REDIC1: variants seen among roughly 807,000 people sequenced by gnomAD.
REDIC1 encodes the protein regulator of DNA class I crossover intermediates 1.
the REDIC1 span, among the ~76,000 whole-genome samples, chr12:39,801,620 A>G: frequency 0.6 from 91,596 of 152,104 alleles, 28,093 homozygotes; most frequent in Non-Finnish European, 0.66. Context: ...GTCATAGGAA[A>G]AAGAGGGTAG....
At chr12:39,907,954 T>C in the REDIC1 span, 1 of 151,264 alleles carries the variant, frequency 6.6e-6, no homozygotes, top group East Asian at 1.9e-4. Context: ...CCTCCAAAAG[T>C]TTCAGTCTAT....
chr12:39,764,284 C>T, the REDIC1 span, among the ~76,000 whole-genome samples: 1 of 151,962 alleles, frequency 6.6e-6, no homozygotes, highest in African/African-American at 2.4e-5. Flanking sequence ...TAGGAGAATC[C>T]CTCTCTTCTT....
chr12:39,791,243 T>C, the REDIC1 span, among the ~76,000 whole-genome samples: 1 of 144,586 alleles, frequency 6.9e-6, no homozygotes, highest in Non-Finnish European at 1.5e-5. Flanking sequence ...AAGAGCTATC[T>C]ATGACAAACC....
the REDIC1 span, among the ~76,000 whole-genome samples, chr12:39,808,693 A>G: frequency 2.6e-5 from 4 of 152,174 alleles, no homozygotes; most frequent in African/African-American, 7.2e-5. Context: ...GTTGAACATT[A>G]TATCTATGTG....
At chr12:39,737,521 A>G in the REDIC1 span, among the ~76,000 whole-genome samples, 82 of 152,250 alleles carry the variant, frequency 5.4e-4, 1 homozygote, top group Non-Finnish European at 1.0e-3. Flanking sequence ...TTATTGATTT[A>G]TCATAACTAT....
the REDIC1 span, among the ~76,000 whole-genome samples, chr12:39,790,286 T>A: frequency 6.6e-6 from 1 of 151,648 alleles, no homozygotes; most frequent in African/African-American, 2.4e-5. Context: ...TAGTTACATA[T>A]GTATACATGT....
At chr12:39,696,415 C>T in the REDIC1 span, among the ~76,000 whole-genome samples, 2,461 of 148,508 alleles carry the variant, frequency 0.017, 33 homozygotes, top group Non-Finnish European at 0.026. Context: ...TAGTGGCGGG[C>T]GCCTGTAGTC....
the REDIC1 span, among the ~76,000 whole-genome samples, chr12:39,713,257 CGT>C: frequency 1.0e-5 from 1 of 96,224 alleles, no homozygotes; most frequent in South Asian, 3.1e-4. Context: ...CACACACATA[CGT>C]GTATATATGT....
chr12:39,704,663 G>T, the REDIC1 span, among the ~76,000 whole-genome samples: 2 of 152,212 alleles, frequency 1.3e-5, no homozygotes, highest in South Asian at 2.1e-4. Context: ...CAAAGACTTG[G>T]AACCAACCCA....
the REDIC1 span, among the ~76,000 whole-genome samples, chr12:39,704,652 G>A: frequency 1.3e-5 from 2 of 152,088 alleles, no homozygotes; most frequent in Admixed American, 6.6e-5. Context: ...ATTTACAATA[G>A]CAAAGACTTG....
At chr12:39,684,190 A>T in the REDIC1 span, 1 of 1,035,994 alleles carries the variant, frequency 9.7e-7, no homozygotes, top group Non-Finnish European at 1.2e-6. Flanking sequence ...TGTTAAATTT[A>T]TTCCTTAAAA....
At chr12:39,854,592 C>T in the REDIC1 span, among the ~76,000 whole-genome samples, 1 of 152,152 alleles carries the variant, frequency 6.6e-6, no homozygotes, top group Admixed American at 6.5e-5. Flanking sequence ...CTCTCTGGGG[C>T]TGCCAGACTC....
chr12:39,871,671 C>T, the REDIC1 span: 77 of 934,588 alleles, frequency 8.2e-5, no homozygotes, highest in Non-Finnish European at 1.1e-4. Context: ...TAGAAGAACT[C>T]TAATTTTTTT....
At chr12:39,682,142 GTTT>G in the REDIC1 span, among the ~76,000 whole-genome samples, 2 of 151,894 alleles carry the variant, frequency 1.3e-5, no homozygotes, top group African/African-American at 4.8e-5. Context: ...CTTTATAATT[GTTT>G]TTATATCCAT....
chr12:39,705,462 C>G, the REDIC1 span, among the ~76,000 whole-genome samples: 1 of 152,024 alleles, frequency 6.6e-6, no homozygotes. Context: ...ACCCATTCTA[C>G]AAGGCAATGT....
the REDIC1 span, chr12:39,646,753 G>A: frequency 2.3e-6 from 2 of 877,328 alleles, no homozygotes; most frequent in South Asian, 1.8e-5. Flanking sequence ...TATGTTTTGT[G>A]TAGAACAGTA....
At chr12:39,647,936 A>G in the REDIC1 span, 1 of 1,597,308 alleles carries the variant, frequency 6.3e-7, no homozygotes, top group Non-Finnish European at 8.5e-7. Context: ...AATAGCACCT[A>G]CTCCTCAGAA....
the REDIC1 span, among the ~76,000 whole-genome samples, chr12:39,789,003 T>A: frequency 6.6e-6 from 1 of 152,170 alleles, no homozygotes; most frequent in Admixed American, 6.6e-5. Flanking sequence ...TTGTAGTTTG[T>A]TTTAACTTAT....
chr12:39,671,679 G>A, the REDIC1 span, among the ~76,000 whole-genome samples: 1 of 152,084 alleles, frequency 6.6e-6, no homozygotes, highest in Non-Finnish European at 1.5e-5. Context: ...GCTTTGACAG[G>A]TTGGCCTGGC....
Sources: allele counts gnomAD v4.1 joint callset (sites outside exome capture counted in the v4.1 genomes callset), GRCh38; gene constraint gnomAD v4.1.1; transcripts MANE v1.5; gene names NCBI Gene and HGNC (gene_info 2026-07-23, HGNC 2026-07-21).